Variants in DMD observed in about 807,000 individuals in gnomAD.
The protein encoded by DMD is mutant dystrophin.
A neutral mutation model predicts 330.1 loss-of-function variants in DMD; 63 were observed. That is an observed-to-expected ratio of 0.19 (90% CI 0.16 to 0.24). The LOEUF is 0.24. Ranked by LOEUF, DMD falls within the 10% of genes least tolerant of loss-of-function variation. The probability of loss-of-function intolerance (pLI) is 1.00; values close to 1 mark genes in which losing one functional copy is unlikely to be tolerated. For synonymous variants in DMD, 1,223 were observed against 959.8 expected (o/e 1.27, Z -5.07); for missense variants, 3,344 against 2,684.1 (o/e 1.25, Z -5.43).
chrX:32,503,702 TGC>T (rs2044311955), intron 18 of DMD, among the ~76,000 whole-genome samples: 1 of 110,036 alleles, frequency 9.1e-6, no homozygotes, highest in Non-Finnish European at 1.9e-5. Flanking sequence ...ATTACAGGCG[TGC>T]ACCACCACGC....
intron 2 of DMD, among the ~76,000 whole-genome samples, chrX:32,946,772 A>G (rs1160252816): frequency 9.0e-6 from 1 of 110,833 alleles, no homozygotes; most frequent in Non-Finnish European, 1.9e-5. Flanking sequence ...GAGCTGCTAT[A>G]TTGTTTACAA....
intron 44 of DMD, among the ~76,000 whole-genome samples, chrX:32,124,337 G>A (rs1397045326): frequency 8.9e-6 from 1 of 112,177 alleles, no homozygotes; most frequent in Non-Finnish European, 1.9e-5. Flanking sequence ...TCGGACCAAC[G>A]TTGTCCGAAG....
chrX:32,843,767 G>C (rs772835922), intron 4 of DMD, among the ~76,000 whole-genome samples: 83 of 111,795 alleles, frequency 7.4e-4, no homozygotes, highest in African/African-American at 2.6e-3. Context: ...ATGTTAATAA[G>C]AAAGGAAGGC....
chrX:31,313,679 A>C (rs765436609), intron 62 of DMD, among the ~76,000 whole-genome samples: 2 of 110,130 alleles, frequency 1.8e-5, no homozygotes, highest in Admixed American at 9.7e-5. Flanking sequence ...CCCCTCACCC[A>C]GCATTCTGCC....
intron 1 of DMD, among the ~76,000 whole-genome samples, chrX:33,310,183 TAAG>T (rs1278025166): frequency 3.6e-5 from 4 of 111,364 alleles, no homozygotes; most frequent in African/African-American, 1.3e-4. Flanking sequence ...TCAATATTAT[TAAG>T]AAGATATTCC....
chrX:32,781,253 T>G (rs1239076225), intron 7 of DMD, among the ~76,000 whole-genome samples: 3 of 111,490 alleles, frequency 2.7e-5, no homozygotes, highest in East Asian at 2.8e-4. Flanking sequence ...TACAGCATTG[T>G]GATAGGCCAG....
intron 48 of DMD, among the ~76,000 whole-genome samples, chrX:31,865,029 T>A (rs1415138038): frequency 1.8e-5 from 2 of 112,328 alleles, no homozygotes; most frequent in African/African-American, 3.2e-5. Flanking sequence ...AGCACTGGGA[T>A]TCAAACTTAG....
chrX:32,954,868 G>A (rs2091477693), intron 2 of DMD, among the ~76,000 whole-genome samples: 1 of 111,524 alleles, frequency 9.0e-6, no homozygotes, highest in Non-Finnish European at 1.9e-5. Flanking sequence ...CAAAGTACAT[G>A]GTCTCATTCT....
chrX:32,792,671 G>A (rs890881527), intron 7 of DMD, among the ~76,000 whole-genome samples: 2 of 112,268 alleles, frequency 1.8e-5, no homozygotes, highest in South Asian at 7.4e-4. Context: ...CAGCAGCTAT[G>A]CTTACATAAA....
intron 17 of DMD, among the ~76,000 whole-genome samples, chrX:32,534,023 G>A (rs142133994): frequency 1.3e-3 from 142 of 112,144 alleles, no homozygotes; most frequent in African/African-American, 4.3e-3. Context: ...TACTGTGTTA[G>A]TAAGCATCAC....
intron 55 of DMD, among the ~76,000 whole-genome samples, chrX:31,606,672 T>G: frequency 8.9e-6 from 1 of 112,155 alleles, no homozygotes; most frequent in Non-Finnish European, 1.9e-5. Context: ...TAGCTTTTTA[T>G]TTTTTCACCA....
At chrX:32,569,664 G>C (rs774225849) in intron 15 of DMD, among the ~76,000 whole-genome samples, 1 of 111,743 alleles carries the variant, frequency 8.9e-6, no homozygotes, top group South Asian at 3.8e-4. Flanking sequence ...GGTAAAGGTA[G>C]CAAGTCAAAC....
At chrX:32,940,347 A>G (rs761199281) in intron 2 of DMD, among the ~76,000 whole-genome samples, 1 of 112,250 alleles carries the variant, frequency 8.9e-6, no homozygotes, top group South Asian at 3.7e-4. Context: ...TAATCAGTTC[A>G]CTGCGTATAT....
At chrX:32,052,800 G>T (rs2096127107) in intron 44 of DMD, among the ~76,000 whole-genome samples, 1 of 111,283 alleles carries the variant, frequency 9.0e-6, no homozygotes, top group African/African-American at 3.3e-5. Flanking sequence ...AATGAGAGTA[G>T]TAGATCCAAA....
chrX:32,336,882 G>T (rs138808336), intron 41 of DMD, among the ~76,000 whole-genome samples: 42 of 111,729 alleles, frequency 3.8e-4, no homozygotes, highest in Non-Finnish European at 6.8e-4. Flanking sequence ...GTTAGCAGAA[G>T]AGCAAAAAGG....
chrX:31,190,612 A>T (rs888902488), intron 67 of DMD, among the ~76,000 whole-genome samples: 1 of 3,374 alleles, frequency 3.0e-4, no homozygotes, highest in Non-Finnish European at 7.2e-4. Flanking sequence ...GGGGGGGGGG[A>T]GGGGGAGGGC....
chrX:32,949,969 A>AT (rs1261205682), intron 2 of DMD, among the ~76,000 whole-genome samples: 173 of 108,033 alleles, frequency 1.6e-3, no homozygotes, highest in East Asian at 2.9e-3. Context: ...CAGAGGCAAA[A>AT]AAAAAAAAAA....
At chrX:32,427,082 G>T (rs2098216241) in intron 29 of DMD, among the ~76,000 whole-genome samples, 1 of 111,619 alleles carries the variant, frequency 9.0e-6, no homozygotes. Context: ...TAACAAACCT[G>T]CATATATACC....
intron 15 of DMD, among the ~76,000 whole-genome samples, chrX:32,571,321 C>T (rs1423750972): frequency 8.9e-6 from 1 of 111,829 alleles, no homozygotes. Context: ...GCATCCATTC[C>T]TCTAGATATG....
Sources: gnomAD v4.1 joint callset for allele counts (sites outside exome capture counted in the v4.1 genomes callset) on GRCh38, gnomAD v4.1.1 for gene constraint, MANE v1.5 for transcripts, NCBI Gene and HGNC (gene_info 2026-07-23, HGNC 2026-07-21) for gene names.